The following ESYT2 variants were observed in gnomAD, a reference collection of about 807,000 sequenced individuals.
ESYT2 encodes the protein extended synaptotagmin-2.
Under a neutral mutation model 107.2 loss-of-function variants are expected in ESYT2, and 54 were observed. The ratio of observed to expected loss-of-function variants is 0.50; its 90% CI spans 0.40 to 0.63. ESYT2 has a LOEUF of 0.63. Ranked by LOEUF, ESYT2 falls within the 30% of genes least tolerant of loss-of-function variation. The pLI, the probability that ESYT2 is intolerant of heterozygous loss-of-function variation, is 0.00. For missense variants in ESYT2, 1,020 were observed against 1,094.5 expected (o/e 0.93, Z 0.96); for synonymous variants, 491 against 434.1 (o/e 1.13, Z -1.63).
chr7:158,736,471 G>A (rs986426723), intron 20 of ESYT2, among the ~76,000 whole-genome samples: 1 of 152,190 alleles, frequency 6.6e-6, no homozygotes, highest in African/African-American at 2.4e-5. Flanking sequence ...GGGGGCCAAT[G>A]ACCCCTGGGG....
chr7:158,823,217 C>T (rs1181946667), intron 1 of ESYT2, among the ~76,000 whole-genome samples: 1 of 139,082 alleles, frequency 7.2e-6, no homozygotes, highest in Admixed American at 7.4e-5. Context: ...ATTGCTTGAA[C>T]CAGCGAGGCG....
At chr7:158,759,637 T>C (rs1022451648) in intron 12 of ESYT2, 56 bp from the exon 13 acceptor site, 6 of 1,385,062 alleles carry the variant, frequency 4.3e-6, no homozygotes, top group Non-Finnish European at 6.0e-6. Context: ...TTAGATACTA[T>C]TTCTATCTGA....
At chr7:158,774,337 A>AT (rs1399165890) in intron 6 of ESYT2, among the ~76,000 whole-genome samples, 1 of 152,230 alleles carries the variant, frequency 6.6e-6, no homozygotes, top group Non-Finnish European at 1.5e-5. Context: ...AAAGGCTAAG[A>AT]TTTCTCAATG....
At chr7:158,745,436 T>TAAG (rs5888769) in intron 16 of ESYT2, among the ~76,000 whole-genome samples, 40,454 of 151,976 alleles carry the variant, frequency 0.27, 6,636 homozygotes, top group East Asian at 0.55. Context: ...ATACCTGATA[T>TAAG]AAGTAGTCTG....
intron 1 of ESYT2, among the ~76,000 whole-genome samples, chr7:158,800,387 T>G (rs1047515869): frequency 2.0e-5 from 3 of 152,010 alleles, no homozygotes; most frequent in Non-Finnish European, 4.4e-5. Flanking sequence ...AGAAAATATT[T>G]TCTTTCTTTT....
intron 3 of ESYT2, among the ~76,000 whole-genome samples, chr7:158,795,455 C>G (rs941229981): frequency 3.3e-5 from 5 of 152,202 alleles, no homozygotes; most frequent in African/African-American, 7.2e-5. Context: ...CATGCTGTAA[C>G]TTAGGGCATA....
chr7:158,761,555 A>C lies in ESYT2; in HGVS notation c.1185-11T>G, dbSNP rs1393362010. 6 of 1,611,726 alleles carry C rather than the reference A, an allele frequency of 3.7e-6. No individual in the cohort carries two copies. In the African/African-American group the frequency reaches 8.0e-5, roughly 22 times the overall value. ...AGGTCAATCATAAGACTATAAAAAT[A>C]ACAATACGACAACTTTAGAACATAG... On this transcript the variant is annotated splice_polypyrimidine_tract_variant and intron_variant, in intron 10 of 22. Transcript: ENST00000275418.
chr7:158,826,765 G>T (rs1054112338), intron 1 of ESYT2, among the ~76,000 whole-genome samples: 8 of 141,616 alleles, frequency 5.6e-5, no homozygotes, highest in African/African-American at 2.1e-4. Flanking sequence ...AGGTTGCAGT[G>T]AGTTGAGATG....
intron 2 of ESYT2, 115 bp downstream of exon 2, chr7:158,798,916 A>G (rs991960074): frequency 1.1e-5 from 11 of 988,786 alleles, no homozygotes; most frequent in Non-Finnish European, 1.4e-5. Flanking sequence ...AAGCCAACCC[A>G]CTAAAGTCCA....
chr7:158,783,623 A>G (rs927035553), intron 6 of ESYT2, among the ~76,000 whole-genome samples: 6 of 152,190 alleles, frequency 3.9e-5, no homozygotes, highest in Non-Finnish European at 7.4e-5. Flanking sequence ...GCTCTGAGGG[A>G]GGAGAGGCAG....
At chr7:158,742,522 G>T (rs1410579145) in intron 17 of ESYT2, among the ~76,000 whole-genome samples, 1 of 152,178 alleles carries the variant, frequency 6.6e-6, no homozygotes, top group East Asian at 1.9e-4. Context: ...TACATAAGGG[G>T]TTTCCACCCG....
chr7:158,764,700 G>A lies in ESYT2; in HGVS notation c.1078C>T (p.Pro360Ser). 2 of 1,614,090 alleles carry A rather than the reference G, an allele frequency of 1.2e-6. No individual in the cohort carries two copies. The highest frequency in any genetic ancestry group is 1.1e-5 in the South Asian group (1 of 91,060). Reference sequence around the variant, plus strand: ...ACCTCATAGACTTCATTCCACTTTGGACTGAGGTTCTCCTTGATGACTCTG... The same window carrying A: ...ACCTCATAGACTTCATTCCACTTTGAACTGAGGTTCTCCTTGATGACTCTG... ...QSRVIKENLS[P>S]KWNEVYEALV... The change falls in exon 9 of 23, where the codon CCA (proline) becomes TCA (serine). Residue 360 changes from proline to serine, a missense_variant. Transcript: ENST00000275418.
chr7:158,787,324 A>G (rs573883911), intron 6 of ESYT2, among the ~76,000 whole-genome samples: 65 of 152,356 alleles, frequency 4.3e-4, no homozygotes, highest in Non-Finnish European at 7.8e-4. Flanking sequence ...TCATGCTCAA[A>G]GGAAATACTC....
At chr7:158,814,166 C>A (rs780891402) in intron 1 of ESYT2, among the ~76,000 whole-genome samples, 1 of 151,136 alleles carries the variant, frequency 6.6e-6, no homozygotes, top group African/African-American at 2.4e-5. Context: ...CCCAGCTACT[C>A]GGAAGGCTGA....
At chr7:158,810,964 T>TA (rs1839977714) in intron 1 of ESYT2, among the ~76,000 whole-genome samples, 2 of 149,170 alleles carry the variant, frequency 1.3e-5, no homozygotes, top group Non-Finnish European at 3.0e-5. Flanking sequence ...GGCTGGATTG[T>TA]ATGGTATGTG....
intron 22 of ESYT2, 46 bp from the exon 23 acceptor site, chr7:158,734,298 G>A (rs1472384844): frequency 6.2e-7 from 1 of 1,613,614 alleles, no homozygotes; most frequent in Non-Finnish European, 8.5e-7. Flanking sequence ...ACAGGACCAA[G>A]TAGGAAAAGC....
chr7:158,805,915 T>C (rs1839811695), intron 1 of ESYT2, among the ~76,000 whole-genome samples: 1 of 152,262 alleles, frequency 6.6e-6, no homozygotes, highest in Non-Finnish European at 1.5e-5. Context: ...ATTGTTGCTT[T>C]CTTATGTCAC....
chr7:158,824,217 C>A (rs1338026839), intron 1 of ESYT2, among the ~76,000 whole-genome samples: 1 of 152,120 alleles, frequency 6.6e-6, no homozygotes, highest in African/African-American at 2.4e-5. Flanking sequence ...GAACAAGAAA[C>A]CCAAGCAGCA....
intron 6 of ESYT2, among the ~76,000 whole-genome samples, chr7:158,780,976 C>T (rs1838761402): frequency 6.6e-6 from 1 of 151,970 alleles, no homozygotes; most frequent in Non-Finnish European, 1.5e-5. Context: ...CTGTGTAAAT[C>T]TATGTGAGAA....
Sources: allele counts gnomAD v4.1 joint callset (sites outside exome capture counted in the v4.1 genomes callset), GRCh38; gene constraint gnomAD v4.1.1; transcripts MANE v1.5; gene names NCBI Gene and HGNC (gene_info 2026-07-23, HGNC 2026-07-21).